OR2L13: variants seen among roughly 807,000 people sequenced by gnomAD.
The protein encoded by OR2L13 is olfactory receptor 2L13.
OR2L13 carries 14 observed loss-of-function variants against 15.3 expected under a neutral mutation model. That is an observed-to-expected ratio of 0.91 (90% CI 0.60 to 1.43). OR2L13 has a LOEUF of 1.43. OR2L13 is among the 40% of genes most tolerant of loss of function. OR2L13 has a pLI of 0.00. For missense variants in OR2L13, 367 were observed against 387.9 expected, an observed-to-expected ratio of 0.95 and a Z score of 0.45; for synonymous variants, 152 against 142.9, an observed-to-expected ratio of 1.06 and a Z score of -0.45.
At chr1:247,944,761 A>G in the OR2L13 span, among the ~76,000 whole-genome samples, 3,488 of 152,236 alleles carry the variant, frequency 0.023, 54 homozygotes, top group East Asian at 0.036. Flanking sequence ...TAGTGCTGCA[A>G]TGGACATACA....
Position 248,100,282 on chromosome 1 carries a change from GTGTT to G in OR2L13, c.910_913del (p.Phe304GlyfsTer6). On this transcript the variant is annotated frameshift_variant, in exon 3 of 3. Transcript: ENST00000641714. LOFTEE classifies it high-confidence loss of function. ...GGAAGTCCTGGGGGCTATGAGGAGA[GTGTT>G]TGGGATATTCTCTTTCCTGAAAGAA... The G allele has an allele frequency of 6.2e-7, 1 of 1,609,930 alleles. No individual in the cohort carries two copies. The highest frequency in any genetic ancestry group is 8.5e-7 in the Non-Finnish European group (1 of 1,176,388).
chr1:248,063,789 TGTGC>T, the OR2L13 span, among the ~76,000 whole-genome samples: 7 of 45,040 alleles, frequency 1.6e-4, no homozygotes, highest in Admixed American at 3.6e-4. Context: ...TTACAAGATG[TGTGC>T]GTGTGTGTGT....
At chr1:248,022,117 C>A in the OR2L13 span, 1 of 1,613,908 alleles carries the variant, frequency 6.2e-7, no homozygotes, top group Non-Finnish European at 8.5e-7. Flanking sequence ...CTCCACACAC[C>A]CATGTATTTC....
chr1:248,001,981 A>G, the OR2L13 span, among the ~76,000 whole-genome samples: 2 of 152,222 alleles, frequency 1.3e-5, no homozygotes, highest in Non-Finnish European at 2.9e-5. Flanking sequence ...CAAATATTAC[A>G]TGTTCTACTT....
the OR2L13 span, among the ~76,000 whole-genome samples, chr1:247,969,342 A>T: frequency 6.6e-6 from 1 of 152,106 alleles, no homozygotes. Context: ...AAAGCTCTTT[A>T]GTTTAATTAG....
At chr1:248,021,896 G>C in the OR2L13 span, 1 of 1,451,028 alleles carries the variant, frequency 6.9e-7, no homozygotes. Flanking sequence ...GGGAACTACT[G>C]TACTTGACTT....
chr1:248,095,704 T>TCAAGTGATTCTTCTGC (rs560098529), upstream of OR2L13, among the ~76,000 whole-genome samples: 78 of 145,502 alleles, frequency 5.4e-4, no homozygotes, highest in Non-Finnish European at 8.2e-4. Flanking sequence ...CCTCCCAGGT[T>TCAAGTGATTCTTCTGC]CAAGTGATTC....
At chr1:247,995,142 C>T in the OR2L13 span, among the ~76,000 whole-genome samples, 1 of 152,158 alleles carries the variant, frequency 6.6e-6, no homozygotes, top group Non-Finnish European at 1.5e-5. Context: ...GTTCTCTATT[C>T]TCATAAAGTT....
the OR2L13 span, among the ~76,000 whole-genome samples, chr1:247,999,590 CTCT>C: frequency 6.6e-6 from 1 of 152,144 alleles, no homozygotes; most frequent in Admixed American, 6.6e-5. Context: ...TGTACTGTGT[CTCT>C]TCTTAGGAGA....
At chr1:247,975,077 C>T in the OR2L13 span, 1 of 331,180 alleles carries the variant, frequency 3.0e-6, no homozygotes, top group Non-Finnish European at 6.0e-6. Context: ...AGAAATGCTG[C>T]CACTGACATC....
chr1:247,990,509 T>G, the OR2L13 span: 1 of 1,575,200 alleles, frequency 6.3e-7, no homozygotes, highest in Non-Finnish European at 8.7e-7. Context: ...CTAAGATGGT[T>G]TATGATTTTT....
the OR2L13 span, chr1:248,061,169 T>C: frequency 6.2e-7 from 1 of 1,613,140 alleles, no homozygotes; most frequent in Non-Finnish European, 8.5e-7. Context: ...GTATATGTAC[T>C]CCATATTCCT....
chr1:247,946,626 T>A, the OR2L13 span, among the ~76,000 whole-genome samples: 5 of 152,312 alleles, frequency 3.3e-5, no homozygotes, highest in South Asian at 1.0e-3. Context: ...ATATTTGCCC[T>A]TGTATTTTTA....
the OR2L13 span, chr1:248,061,154 A>G: frequency 6.2e-7 from 1 of 1,613,310 alleles, no homozygotes; most frequent in South Asian, 1.1e-5. Context: ...GCTTGTGCTC[A>G]CACTGTATAT....
At chr1:248,027,373 G>A in the OR2L13 span, among the ~76,000 whole-genome samples, 29 of 152,280 alleles carry the variant, frequency 1.9e-4, no homozygotes, top group South Asian at 4.1e-4. Context: ...CTGTGGTCCC[G>A]TGATCTCGCC....
At chr1:247,975,391 G>C in the OR2L13 span, 1 of 648,814 alleles carries the variant, frequency 1.5e-6, no homozygotes, top group Non-Finnish European at 2.9e-6. Flanking sequence ...TCTCCTTACT[G>C]TCTACCACAT....
At chr1:247,970,715 A>G in the OR2L13 span, among the ~76,000 whole-genome samples, 12 of 152,332 alleles carry the variant, frequency 7.9e-5, no homozygotes, top group Admixed American at 7.2e-4. Flanking sequence ...TCACTAGGAG[A>G]TATACAAAGG....
the OR2L13 span, among the ~76,000 whole-genome samples, chr1:247,953,383 A>G: frequency 6.6e-5 from 10 of 152,202 alleles, no homozygotes; most frequent in Non-Finnish European, 1.2e-4. Context: ...CTATGTATCT[A>G]TGTGGATTTC....
the OR2L13 span, chr1:247,975,654 G>A: frequency 4.4e-6 from 5 of 1,134,636 alleles, no homozygotes; most frequent in Non-Finnish European, 6.6e-6. Flanking sequence ...TCCCTGTGAA[G>A]ATGAAGACAA....
Sources: allele counts gnomAD v4.1 joint callset (sites outside exome capture counted in the v4.1 genomes callset), GRCh38; gene constraint gnomAD v4.1.1; transcripts MANE v1.5; gene names NCBI Gene and HGNC (gene_info 2026-07-23, HGNC 2026-07-21).